Variants in WNT7A observed in about 807,000 individuals in gnomAD.
WNT7A encodes Wnt family member 7A, also known as protein Wnt-7a.
A neutral mutation model predicts 28.2 loss-of-function variants in WNT7A; 16 were observed. That is an observed-to-expected ratio of 0.57 (90% CI 0.38 to 0.86). The LOEUF (loss-of-function observed/expected upper bound fraction) is 0.86. Among genes scored for constraint, WNT7A ranks in the 40% least tolerant of loss-of-function variants. The probability of loss-of-function intolerance (pLI) is 0.00; values close to 1 mark genes in which losing one functional copy is unlikely to be tolerated. For missense variants in WNT7A, 411 were observed against 489.7 expected (o/e 0.84, Z 1.52); for synonymous variants, 190 against 195.9 (o/e 0.97, Z 0.25).
chr3:13,860,767 C>A (rs1314326681), intron 2 of WNT7A, among the ~76,000 whole-genome samples: 1 of 152,182 alleles, frequency 6.6e-6, no homozygotes, highest in Non-Finnish European at 1.5e-5. Context: ...GGGGAAGCCC[C>A]TTCATTCAGG....
Position 13,875,145 on chromosome 3 carries a change from C to A in WNT7A, c.100G>T (p.Ala34Ser), listed in dbSNP as rs373890513. ...GGFSSVVALG[A>S]SIICNKIPGL... ...GGGATCTTGTTACAGATGATGCTTG[C>A]GCCCAGAGCTACCACTGAGGAGAAG... is the stretch of plus-strand genomic sequence containing the variant. Residue 34 changes from alanine to serine, a missense_variant, in exon 2 of 4, where the codon GCA becomes TCA. Ala to Ser is a moderately conservative substitution (Grantham distance 99, BLOSUM62 1). Coordinates refer to ENST00000285018, the MANE Select transcript of WNT7A (RefSeq NM_004625.4). 3.7e-6 allele frequency: 6 copies of A among 1,614,000 alleles called. No homozygotes were observed. Among genetic ancestry groups the A allele is most frequent in the Non-Finnish European group, 3.4e-6 (4 of 1,180,046 alleles).
intron 1 of WNT7A, among the ~76,000 whole-genome samples, chr3:13,878,175 C>T (rs2124882151): frequency 6.6e-6 from 1 of 152,250 alleles, no homozygotes; most frequent in Admixed American, 6.5e-5. Context: ...TCCGGGGAGG[C>T]CGCGGCGCCG....
chr3:13,856,479 G>A (rs1390024503), intron 2 of WNT7A, among the ~76,000 whole-genome samples: 5 of 152,262 alleles, frequency 3.3e-5, no homozygotes, highest in South Asian at 4.1e-4. Flanking sequence ...AGCACCTACC[G>A]GGCTCGCAAC....
At chr3:13,844,433 C>T (rs779801693) in intron 3 of WNT7A, among the ~76,000 whole-genome samples, 2 of 152,222 alleles carry the variant, frequency 1.3e-5, no homozygotes, top group Non-Finnish European at 2.9e-5. Flanking sequence ...GGAATCTGTC[C>T]CTTCCCCACC....
At chr3:13,864,548 G>T (rs1289663801) in intron 2 of WNT7A, among the ~76,000 whole-genome samples, 1 of 152,128 alleles carries the variant, frequency 6.6e-6, no homozygotes, top group South Asian at 2.1e-4. Context: ...GATCCTCAGA[G>T]CACTTTTCAG....
chr3:13,845,869 G>A (rs1167517527), intron 3 of WNT7A, among the ~76,000 whole-genome samples: 2 of 152,254 alleles, frequency 1.3e-5, no homozygotes, highest in African/African-American at 4.8e-5. Context: ...AAGGATCGGA[G>A]GAGAAGAGAA....
chr3:13,836,199 TTAAAAA>T (rs1694364905), intron 3 of WNT7A, among the ~76,000 whole-genome samples: 1 of 139,256 alleles, frequency 7.2e-6, no homozygotes, highest in Non-Finnish European at 1.6e-5. Flanking sequence ...AAGCTGGTTT[TTAAAAA>T]AAAAAAAAAA....
chr3:13,820,567 A>T (rs992171772), intron 3 of WNT7A, among the ~76,000 whole-genome samples: 2 of 152,124 alleles, frequency 1.3e-5, no homozygotes, highest in African/African-American at 2.4e-5. Flanking sequence ...TAACTCTAAC[A>T]TATAGTGAAG....
chr3:13,873,712 G>T (rs1222700104), intron 2 of WNT7A, among the ~76,000 whole-genome samples: 4 of 152,310 alleles, frequency 2.6e-5, no homozygotes, highest in Non-Finnish European at 5.9e-5. Flanking sequence ...TGATGGGATG[G>T]AGCTTTGAGG....
chr3:13,828,255 G>T (rs1340760067), intron 3 of WNT7A, among the ~76,000 whole-genome samples: 1 of 152,172 alleles, frequency 6.6e-6, no homozygotes, highest in African/African-American at 2.4e-5. Context: ...CAGAGCTGTG[G>T]ACAGGCATCG....
intron 3 of WNT7A, among the ~76,000 whole-genome samples, chr3:13,840,695 C>T (rs1380929365): frequency 1.3e-5 from 2 of 152,056 alleles, no homozygotes; most frequent in Admixed American, 6.5e-5. Flanking sequence ...AAGATCTGTC[C>T]GTTTAACCAT....
At chr3:13,839,831 T>C (rs1694428127) in intron 3 of WNT7A, among the ~76,000 whole-genome samples, 1 of 152,200 alleles carries the variant, frequency 6.6e-6, no homozygotes, top group Non-Finnish European at 1.5e-5. Context: ...ACAGTTGAGT[T>C]GTAAACCATT....
At chr3:13,878,538 C>A (rs1236109469) in intron 1 of WNT7A, among the ~76,000 whole-genome samples, 1 of 152,194 alleles carries the variant, frequency 6.6e-6, no homozygotes, top group Non-Finnish European at 1.5e-5. Context: ...GGGCTGGCGG[C>A]CCCTGGTCGG....
At chr3:13,825,590 C>T (rs747929812) in intron 3 of WNT7A, among the ~76,000 whole-genome samples, 46 of 152,304 alleles carry the variant, frequency 3.0e-4, no homozygotes, top group Admixed American at 2.4e-3. Flanking sequence ...TATTTAGTAG[C>T]GGGTCTTCCA....
intron 2 of WNT7A, among the ~76,000 whole-genome samples, chr3:13,872,392 T>G (rs1695040012): frequency 6.6e-6 from 1 of 152,122 alleles, no homozygotes; most frequent in African/African-American, 2.4e-5. Context: ...CATTTCATAG[T>G]GGCAATTTCA....
chr3:13,846,002 G>C (rs1354732097), intron 3 of WNT7A, among the ~76,000 whole-genome samples: 91 of 152,296 alleles, frequency 6.0e-4, no homozygotes, highest in Non-Finnish European at 4.4e-5. Context: ...GTCTCATCCT[G>C]AACCCCCATG....
intron 2 of WNT7A, among the ~76,000 whole-genome samples, chr3:13,873,947 CT>C (rs1695063764): frequency 6.6e-6 from 1 of 152,182 alleles, no homozygotes; most frequent in Non-Finnish European, 1.5e-5. Flanking sequence ...GCAAGAAAGC[CT>C]CCAGAGGGGT....
intron 1 of WNT7A, among the ~76,000 whole-genome samples, chr3:13,878,493 G>C (rs964589460): frequency 6.6e-6 from 1 of 152,142 alleles, no homozygotes; most frequent in African/African-American, 2.4e-5. Flanking sequence ...GGCGGTACTG[G>C]CGCGAGCCCC....
chr3:13,850,573 G>T (rs1397933570), intron 3 of WNT7A, among the ~76,000 whole-genome samples: 1 of 152,142 alleles, frequency 6.6e-6, no homozygotes, highest in African/African-American at 2.4e-5. Flanking sequence ...GGAGCAAGAG[G>T]CGCATTCCAG....
Sources: allele counts gnomAD v4.1 joint callset (sites outside exome capture counted in the v4.1 genomes callset), GRCh38; gene constraint gnomAD v4.1.1; transcripts MANE v1.5; gene names NCBI Gene and HGNC (gene_info 2026-07-23, HGNC 2026-07-21).